TIMD4: variants seen among roughly 807,000 people sequenced by gnomAD.
TIMD4 encodes T-cell immunoglobulin and mucin domain-containing protein 4.
Under a neutral mutation model 41.2 loss-of-function variants are expected in TIMD4, and 31 were observed. That is an observed-to-expected ratio of 0.75 (90% CI 0.57 to 1.01). The LOEUF (loss-of-function observed/expected upper bound fraction) is 1.01, where lower values mean the gene tolerates loss of function less well. TIMD4 is among the 50% of genes least tolerant of loss of function. TIMD4 has a pLI of 0.00. For synonymous variants in TIMD4, 204 were observed against 177.1 expected, an observed-to-expected ratio of 1.15 and a Z score of -1.21; for missense variants, 479 against 472.5, an observed-to-expected ratio of 1.01 and a Z score of -0.13.
chr5:156,929,040 T>TTTCTTC (rs201941722), intron 5 of TIMD4, among the ~76,000 whole-genome samples: 3 of 152,134 alleles, frequency 2.0e-5, no homozygotes, highest in South Asian at 4.1e-4. Context: ...CACTTTTTTC[T>TTTCTTC]TTCTTCTTCT....
intron 2 of TIMD4, among the ~76,000 whole-genome samples, chr5:156,954,037 A>G (rs1759914494): frequency 6.6e-6 from 1 of 152,226 alleles, no homozygotes; most frequent in South Asian, 2.1e-4. Flanking sequence ...CCCTGAATAC[A>G]TTTTATTTAG....
At chr5:156,923,771 C>T (rs1482358926) in intron 6 of TIMD4, among the ~76,000 whole-genome samples, 2 of 151,442 alleles carry the variant, frequency 1.3e-5, no homozygotes, top group Non-Finnish European at 2.9e-5. Flanking sequence ...GTCTTGAACT[C>T]CTGGGCTCAA....
chr5:156,957,491 T>C, intron 1 of TIMD4, among the ~76,000 whole-genome samples: 1 of 110,252 alleles, frequency 9.1e-6, no homozygotes, highest in South Asian at 3.1e-4. Flanking sequence ...CCAGCCTGGG[T>C]GACAGAGCGA....
intron 5 of TIMD4, among the ~76,000 whole-genome samples, chr5:156,945,907 C>G (rs1462392410): frequency 6.6e-6 from 1 of 152,132 alleles, no homozygotes; most frequent in Non-Finnish European, 1.5e-5. Flanking sequence ...AGGAAGATGG[C>G]TTGACACAGA....
chr5:156,931,789 ACT>A (rs2113352519), intron 5 of TIMD4, among the ~76,000 whole-genome samples: 1 of 152,070 alleles, frequency 6.6e-6, no homozygotes, highest in African/African-American at 2.4e-5. Flanking sequence ...GCATCCTGGG[ACT>A]CTCTGCCATC....
intron 7 of TIMD4, 87 bp from the exon 8 acceptor site, chr5:156,920,590 A>C: frequency 7.0e-7 from 1 of 1,423,564 alleles, no homozygotes; most frequent in South Asian, 1.2e-5. Flanking sequence ...GCTGCCCCGC[A>C]AAGAGCAGAT....
intron 5 of TIMD4, among the ~76,000 whole-genome samples, chr5:156,947,925 T>TA (rs1759774202): frequency 1.3e-5 from 2 of 152,108 alleles, no homozygotes; most frequent in African/African-American, 2.4e-5. Context: ...TAATTTAAAA[T>TA]AAAAAAACAA....
chr5:156,951,480 T>G (rs760028543), intron 3 of TIMD4, 32 bp downstream of exon 3: 1 of 1,611,848 alleles, frequency 6.2e-7, no homozygotes, highest in South Asian at 1.1e-5. Flanking sequence ...GAGACAGCAC[T>G]GTTCTAAGAA....
intron 6 of TIMD4, among the ~76,000 whole-genome samples, chr5:156,923,883 G>A (rs535391805): frequency 9.2e-5 from 14 of 151,768 alleles, no homozygotes; most frequent in South Asian, 2.1e-4. Context: ...TGTTGCCTAC[G>A]TTGTAGTGCA....
At chr5:156,944,581 T>A (rs894454584) in intron 5 of TIMD4, among the ~76,000 whole-genome samples, 11 of 142,908 alleles carry the variant, frequency 7.7e-5, no homozygotes, top group Admixed American at 5.9e-4. Flanking sequence ...CTCGGCTCAC[T>A]GCAAGCTCCG....
intron 5 of TIMD4, among the ~76,000 whole-genome samples, chr5:156,934,492 A>C (rs1045019847): frequency 2.6e-5 from 4 of 152,134 alleles, no homozygotes; most frequent in Admixed American, 6.6e-5. Context: ...GAGTTTTGCT[A>C]TGTTGACCAG....
intron 5 of TIMD4, among the ~76,000 whole-genome samples, chr5:156,937,303 C>G (rs1759558567): frequency 6.6e-6 from 1 of 152,214 alleles, no homozygotes; most frequent in Non-Finnish European, 1.5e-5. Context: ...CAGGGTTCAA[C>G]AGCCCCCAGT....
At chr5:156,927,040 T>C (rs1024644622) in intron 5 of TIMD4, among the ~76,000 whole-genome samples, 3 of 152,114 alleles carry the variant, frequency 2.0e-5, no homozygotes, top group Non-Finnish European at 4.4e-5. Flanking sequence ...TACAGTCCAT[T>C]AGAGAAGAGA....
rs998471216 is a variant in TIMD4 at position 156,924,584 on chromosome 5, C to T, written c.894+1679G>A. ...CTATCCATTATCCACAGCAAGCCATCGAGTTTGTGCAGGTCAGAAAGGAGA... is the reference window on the plus strand; with the variant it reads ...CTATCCATTATCCACAGCAAGCCATTGAGTTTGTGCAGGTCAGAAAGGAGA... On this transcript the variant is annotated intron_variant, in intron 6 of 8. Coordinates refer to ENST00000274532, the MANE Select transcript of TIMD4 (RefSeq NM_138379.3). 3.7e-5 allele frequency: 10 copies of T among 266,990 alleles called. 1 individual carries two copies. Among genetic ancestry groups the T allele is most frequent in the Admixed American group, 2.8e-4 (6 of 21,808 alleles). 16.5% of individuals were successfully genotyped at this position (266,990 alleles called of 1,614,324 possible).
At chr5:156,961,006 GAGAATAGTACA>G (rs1185239897) in intron 1 of TIMD4, among the ~76,000 whole-genome samples, 1 of 152,252 alleles carries the variant, frequency 6.6e-6, no homozygotes, top group Non-Finnish European at 1.5e-5. Context: ...GAAAGGCAGA[GAGAATAGTACA>G]AGTTTGAGAG....
chr5:156,925,957 G>A (rs1759340027), intron 6 of TIMD4, among the ~76,000 whole-genome samples: 1 of 152,240 alleles, frequency 6.6e-6, no homozygotes, highest in South Asian at 2.1e-4. Context: ...AGGCTGGAGT[G>A]CAATAGCGCC....
intron 1 of TIMD4, among the ~76,000 whole-genome samples, chr5:156,957,512 C>CA (rs3068101): frequency 4.7e-4 from 54 of 113,838 alleles, no homozygotes; most frequent in African/African-American, 5.2e-4. Context: ...GAGTCTATCT[C>CA]AAAAAAAAAA....
intron 1 of TIMD4, 74 bp from the exon 2 acceptor site, chr5:156,954,830 A>C (rs1759941894): frequency 8.0e-7 from 1 of 1,243,184 alleles, no homozygotes; most frequent in Non-Finnish European, 1.1e-6. Context: ...TTTTTGTGCT[A>C]ATAGATGCTT....
At chr5:156,951,430 ACACT>A in intron 3 of TIMD4, 78 bp downstream of exon 3, 1 of 1,535,750 alleles carries the variant, frequency 6.5e-7, no homozygotes, top group Non-Finnish European at 8.9e-7. Context: ...ACTCACACAC[ACACT>A]GAGAGAGAGC....
Sources: gnomAD v4.1 joint callset for allele counts (sites outside exome capture counted in the v4.1 genomes callset) on GRCh38, gnomAD v4.1.1 for gene constraint, MANE v1.5 for transcripts, NCBI Gene and HGNC (gene_info 2026-07-23, HGNC 2026-07-21) for gene names.